Variants in ADAMTS17 observed in about 807,000 individuals in gnomAD.
ADAMTS17 encodes the protein A disintegrin and metalloproteinase with thrombospondin motifs 17.
A neutral mutation model predicts 141.5 loss-of-function variants in ADAMTS17; 113 were observed. The observed-to-expected ratio is 0.80, with a 90% confidence interval of 0.69 to 0.93. The LOEUF (loss-of-function observed/expected upper bound fraction) is 0.93. Among genes scored for constraint, ADAMTS17 ranks in the 40% least tolerant of loss-of-function variants. The probability of loss-of-function intolerance (pLI) is 0.00; values close to 1 mark genes in which losing one functional copy is unlikely to be tolerated. For synonymous variants in ADAMTS17, 768 were observed against 630.6 expected (o/e 1.22, Z -3.27); for missense variants, 1,659 against 1,517.9 (o/e 1.09, Z -1.54).
intron 20 of ADAMTS17, among the ~76,000 whole-genome samples, chr15:99,978,224 GTCTGCTCCCAGGGGGGCT>G (rs1410021808): frequency 6.6e-6 from 1 of 152,200 alleles, no homozygotes; most frequent in Non-Finnish European, 1.5e-5. Flanking sequence ...TGGGAGGGCT[GTCTGCTCCCAGGGGGGCT>G]TCTGCAAGCC....
chr15:100,204,229 T>C (rs2041447784), intron 7 of ADAMTS17, among the ~76,000 whole-genome samples: 1 of 152,260 alleles, frequency 6.6e-6, no homozygotes, highest in Admixed American at 6.5e-5. Context: ...CTCTGGTTGA[T>C]GCAGTAAGTT....
intron 6 of ADAMTS17, among the ~76,000 whole-genome samples, chr15:100,257,244 A>G (rs2141977570): frequency 6.6e-6 from 1 of 152,204 alleles, no homozygotes; most frequent in Non-Finnish European, 1.5e-5. Context: ...CTCTCACCCA[A>G]TCTCCCTGTG....
At position 99,993,896 on chromosome 15, in the gene ADAMTS17, G is replaced by T. The variant is rs1016613646; in HGVS notation, c.2797-696C>A. 6.6e-6 allele frequency among the ~76,000 whole-genome samples: 1 copy of T among 152,176 alleles called. No individual in the cohort carries two copies. Among genetic ancestry groups the T allele is most frequent in the Non-Finnish European group, 1.5e-5 (1 of 68,038 alleles). On this transcript the variant is annotated intron_variant, in intron 19 of 21. Transcript: ENST00000268070. The surrounding 1 kb of genome is among the most constrained non-coding windows in gnomAD (Gnocchi z 4.3). The stretch of plus-strand genomic sequence containing the variant: ...GATGGGACCTGGGCAGGGCCTGGGG[G>T]TGATGAATGATGTGCCTGCCCTCAA...
chr15:100,309,014 G>A (rs140087703), intron 3 of ADAMTS17, among the ~76,000 whole-genome samples: 19 of 152,352 alleles, frequency 1.2e-4, no homozygotes, highest in Admixed American at 9.8e-4. Flanking sequence ...AGAAAGCTAC[G>A]TTCTCAACAA....
chr15:100,165,716 T>C (rs540299145), intron 8 of ADAMTS17, among the ~76,000 whole-genome samples: 1 of 152,316 alleles, frequency 6.6e-6, no homozygotes, highest in Non-Finnish European at 1.5e-5. Context: ...ATTGTGAAGA[T>C]GTTTAGAATG....
chr15:100,038,146 G>A (rs1455228075), intron 18 of ADAMTS17, among the ~76,000 whole-genome samples: 2 of 152,230 alleles, frequency 1.3e-5, no homozygotes, highest in East Asian at 3.8e-4. Context: ...ACTGATTGCT[G>A]TTGGCACCCT....
At chr15:100,298,163 G>A (rs1021378361) in intron 3 of ADAMTS17, among the ~76,000 whole-genome samples, 18 of 152,154 alleles carry the variant, frequency 1.2e-4, no homozygotes, top group African/African-American at 3.4e-4. Flanking sequence ...GGGGAGGAGA[G>A]AGACAGGAAT....
chr15:100,036,550 C>T (rs555416046), intron 18 of ADAMTS17, among the ~76,000 whole-genome samples: 7 of 152,306 alleles, frequency 4.6e-5, no homozygotes, highest in East Asian at 1.9e-4. Context: ...CTCCTTAGCT[C>T]GAGAGCCTGC....
chr15:100,295,275 C>T (rs182466526), intron 3 of ADAMTS17, among the ~76,000 whole-genome samples: 28 of 152,262 alleles, frequency 1.8e-4, no homozygotes, highest in Middle Eastern at 6.8e-3. Flanking sequence ...CTCTTCTGCA[C>T]GCTGCTCTAT....
intron 15 of ADAMTS17, among the ~76,000 whole-genome samples, chr15:100,065,801 C>G (rs986213098): frequency 1.3e-5 from 2 of 152,010 alleles, no homozygotes; most frequent in African/African-American, 4.8e-5. Context: ...TTTGCTGCAC[C>G]CGTCAACCCA....
intron 20 of ADAMTS17, among the ~76,000 whole-genome samples, chr15:99,981,123 A>G (rs985778736): frequency 3.3e-5 from 5 of 152,184 alleles, no homozygotes; most frequent in African/African-American, 7.2e-5. Context: ...CCACCCTCCT[A>G]TGTGAATAAG....
chr15:100,209,105 C>T, intron 7 of ADAMTS17, among the ~76,000 whole-genome samples: 1 of 106,370 alleles, frequency 9.4e-6, no homozygotes. Context: ...AAATATTTGC[C>T]AAGTTAGCAA....
At chr15:100,097,261 G>A (rs946877148) in intron 14 of ADAMTS17, among the ~76,000 whole-genome samples, 1 of 152,100 alleles carries the variant, frequency 6.6e-6, no homozygotes, top group African/African-American at 2.4e-5. Context: ...TTGCCTAAAT[G>A]TCCCTCCACA....
At chr15:100,268,597 G>C (rs530810768) in intron 4 of ADAMTS17, among the ~76,000 whole-genome samples, 2 of 152,276 alleles carry the variant, frequency 1.3e-5, no homozygotes, top group South Asian at 2.1e-4. Context: ...GTCTTCTTTT[G>C]AGAAGTGTCA....
intron 3 of ADAMTS17, among the ~76,000 whole-genome samples, chr15:100,285,480 C>G (rs1421302209): frequency 6.6e-6 from 1 of 152,198 alleles, no homozygotes; most frequent in African/African-American, 2.4e-5. Context: ...TAGGGAAAAA[C>G]AATACGTAGA....
At chr15:100,165,803 G>GT (rs1567290939) in intron 8 of ADAMTS17, among the ~76,000 whole-genome samples, 1 of 152,236 alleles carries the variant, frequency 6.6e-6, no homozygotes, top group Non-Finnish European at 1.5e-5. Flanking sequence ...TGAAAAGGCT[G>GT]TAGGATGTTA....
At chr15:100,194,005 G>C (rs2041019653) in intron 8 of ADAMTS17, among the ~76,000 whole-genome samples, 1 of 152,186 alleles carries the variant, frequency 6.6e-6, no homozygotes, top group Non-Finnish European at 1.5e-5. Flanking sequence ...TCTGGCTCAG[G>C]CTTATCTAAC....
chr15:100,265,488 T>C (rs578124655), intron 4 of ADAMTS17, among the ~76,000 whole-genome samples: 63 of 152,338 alleles, frequency 4.1e-4, no homozygotes, highest in Non-Finnish European at 8.4e-4. Flanking sequence ...GTTTGTCACA[T>C]TTCCTTGGCA....
At chr15:100,047,468 C>T (rs2031799059) in intron 18 of ADAMTS17, among the ~76,000 whole-genome samples, 1 of 151,722 alleles carries the variant, frequency 6.6e-6, no homozygotes, top group Admixed American at 6.6e-5. Flanking sequence ...CATGTGATGT[C>T]TCCCCCGGAT....
Sources: gnomAD v4.1 joint callset for allele counts (sites outside exome capture counted in the v4.1 genomes callset) on GRCh38, gnomAD v4.1.1 for gene constraint, Gnocchi (gnomAD v3.1) non-coding constraint, MANE v1.5 for transcripts, NCBI Gene and HGNC (gene_info 2026-07-23, HGNC 2026-07-21) for gene names.